Variants in GUCY1A2 observed in about 807,000 individuals in gnomAD.
GUCY1A2 encodes the protein guanylate cyclase soluble subunit alpha-2.
GUCY1A2 carries 27 observed loss-of-function variants against 63.5 expected under a neutral mutation model. That is an observed-to-expected ratio of 0.43 (90% CI 0.31 to 0.59). The LOEUF (loss-of-function observed/expected upper bound fraction) is 0.59. GUCY1A2 is among the 20% of genes least tolerant of loss of function. The probability of loss-of-function intolerance (pLI) is 0.11; values close to 1 mark genes in which losing one functional copy is unlikely to be tolerated. For missense variants in GUCY1A2, 768 were observed against 913.3 expected, an observed-to-expected ratio of 0.84 and a Z score of 2.05; for synonymous variants, 364 against 343.5, an observed-to-expected ratio of 1.06 and a Z score of -0.66.
chr11:106,729,687 A>G (rs1329131370), intron 6 of GUCY1A2, among the ~76,000 whole-genome samples: 1 of 152,134 alleles, frequency 6.6e-6, no homozygotes, highest in Non-Finnish European at 1.5e-5. Flanking sequence ...TTGTAAATTT[A>G]GAAGATGTCA....
At chr11:106,978,543 A>C (rs1444570831) in intron 3 of GUCY1A2, 76 bp downstream of exon 3, 64 of 987,966 alleles carry the variant, frequency 6.5e-5, no homozygotes, top group South Asian at 4.2e-4. Context: ...CTTTGGTAGA[A>C]CATGAAACAC....
intron 3 of GUCY1A2, among the ~76,000 whole-genome samples, chr11:106,963,669 CA>C (rs1020814349): frequency 6.6e-6 from 1 of 152,030 alleles, no homozygotes; most frequent in African/African-American, 2.4e-5. Context: ...AGATAGACTC[CA>C]ATCTGGACAC....
intron 4 of GUCY1A2, among the ~76,000 whole-genome samples, chr11:106,887,109 A>C (rs1041030915): frequency 6.6e-6 from 1 of 152,000 alleles, no homozygotes; most frequent in Non-Finnish European, 1.5e-5. Flanking sequence ...TTCCACATGC[A>C]TCTGCTTGTT....
chr11:106,761,809 A>G (rs1207817581), intron 6 of GUCY1A2, among the ~76,000 whole-genome samples: 2 of 152,132 alleles, frequency 1.3e-5, no homozygotes, highest in East Asian at 3.9e-4. Flanking sequence ...GCTTCCCTGG[A>G]CAGGCCTTCT....
At chr11:106,705,373 A>C (rs1366562227) in intron 7 of GUCY1A2, among the ~76,000 whole-genome samples, 1 of 152,164 alleles carries the variant, frequency 6.6e-6, no homozygotes, top group Non-Finnish European at 1.5e-5. Context: ...CAAATTACCA[A>C]ACCCATTCTT....
chr11:106,721,956 CTTAAGT>C (rs1243750430), intron 6 of GUCY1A2, among the ~76,000 whole-genome samples: 1 of 152,152 alleles, frequency 6.6e-6, no homozygotes, highest in African/African-American at 2.4e-5. Flanking sequence ...GAACCATTAC[CTTAAGT>C]TTCTTTTCAG....
Position 106,680,640 on chromosome 11 carries a change from A to G in GUCY1A2, c.*6909T>C, listed in dbSNP as rs1862417320. Reference sequence around the variant, plus strand: ...AACCATTCTTACTAAGGATTTAAGGATCCAGTGATATACAAGAGGATAATT... The same window carrying G: ...AACCATTCTTACTAAGGATTTAAGGGTCCAGTGATATACAAGAGGATAATT... On this transcript the variant is annotated 3_prime_UTR_variant, in exon 8 of 8. Coordinates refer to ENST00000526355, the MANE Select transcript of GUCY1A2 (RefSeq NM_000855.3). 5.0e-6 allele frequency: 1 copy of G among 199,242 alleles called. No individual in the cohort carries two copies. The highest frequency in any genetic ancestry group is 7.8e-5 in the East Asian group (1 of 12,846). 12.3% of individuals were successfully genotyped at this position (199,242 alleles called of 1,614,324 possible). A position where few individuals can be genotyped will look rare whatever the true frequency, so the allele number is the denominator to read the frequency against.
chr11:107,014,953 C>G (rs756886192), intron 1 of GUCY1A2, among the ~76,000 whole-genome samples: 1 of 152,192 alleles, frequency 6.6e-6, no homozygotes, highest in Non-Finnish European at 1.5e-5. Flanking sequence ...AGGACATAAT[C>G]CATCTCCTGA....
Position 107,018,133 on chromosome 11 carries a change from G to C in GUCY1A2, c.-78C>G, listed in dbSNP as rs1292671374. The C allele has an allele frequency of 1.0e-5, 10 of 973,260 alleles. No individual in the cohort carries two copies. The highest frequency in any genetic ancestry group is 1.4e-5 in the Non-Finnish European group (10 of 731,488). The allele number at this position is 973,260 out of a possible 1,614,324, so 60.3% of individuals were successfully genotyped here. On this transcript the variant is annotated 5_prime_UTR_variant, in exon 1 of 8. Coordinates refer to ENST00000526355, the MANE Select transcript of GUCY1A2 (RefSeq NM_000855.3). Reference sequence around the variant, plus strand: ...CGGCGGAGGCGGCGGTGGCGGGACCGGCAAGCGACAACGTTAAGCGCGTCG... The same window carrying C: ...CGGCGGAGGCGGCGGTGGCGGGACCCGCAAGCGACAACGTTAAGCGCGTCG...
At chr11:106,800,024 A>T (rs375690667) in intron 5 of GUCY1A2, among the ~76,000 whole-genome samples, 3 of 152,170 alleles carry the variant, frequency 2.0e-5, no homozygotes, top group Admixed American at 6.5e-5. Flanking sequence ...GAATCTACAA[A>T]GAACTCAAAC....
Position 107,018,342 on chromosome 11 carries a change from C to T in GUCY1A2, c.-287G>A, listed in dbSNP as rs557347640. 2 of 148,208 alleles carry T rather than the reference C, an allele frequency of 1.3e-5. No individual in the cohort carries two copies. Among genetic ancestry groups the T allele is most frequent in the South Asian group, 2.1e-4 (1 of 4,800 alleles). The allele number at this position is 148,208 out of a possible 1,614,324, so 9.2% of individuals were successfully genotyped here. On this transcript the variant is annotated 5_prime_UTR_variant, in exon 1 of 8. Transcript: ENST00000526355. The stretch of plus-strand genomic sequence containing the variant: ...TCTGCTGCTGCTCGCGCGGCGCCGC[C>T]TCAGCGCCCGCCTCGGCGCATCGCC...
At chr11:106,854,046 G>A (rs1283677629) in intron 4 of GUCY1A2, among the ~76,000 whole-genome samples, 1 of 152,208 alleles carries the variant, frequency 6.6e-6, no homozygotes, top group Non-Finnish European at 1.5e-5. Flanking sequence ...AACTAGGCAT[G>A]CCAGTCCTTG....
intron 5 of GUCY1A2, among the ~76,000 whole-genome samples, chr11:106,793,023 GA>G (rs1038390777): frequency 8.6e-5 from 13 of 151,534 alleles, no homozygotes; most frequent in African/African-American, 1.9e-4. Context: ...CACAGAAATA[GA>G]AAAAAAATCC....
Position 106,681,350 on chromosome 11 carries a change from T to C in GUCY1A2, c.*6199A>G, listed in dbSNP as rs1862429035. 2.6e-5 allele frequency: 6 copies of C among 226,586 alleles called. No homozygotes were observed. In the South Asian group the frequency reaches 9.1e-4, roughly 34 times the overall value. 14.0% of individuals were successfully genotyped at this position (226,586 alleles called of 1,614,324 possible). A position where few individuals can be genotyped will look rare whatever the true frequency, so the allele number is the denominator to read the frequency against. On this transcript the variant is annotated 3_prime_UTR_variant, in exon 8 of 8. Transcript: ENST00000526355. ...CTGCCGCAAGACCCATCTATATTTT[T>C]GCAAAGCCTACTTTCTCAATCACCT... is the stretch of plus-strand genomic sequence containing the variant.
chr11:106,980,385 G>A (rs1477556175), intron 2 of GUCY1A2, among the ~76,000 whole-genome samples: 1 of 152,162 alleles, frequency 6.6e-6, no homozygotes, highest in Non-Finnish European at 1.5e-5. Context: ...CCTAGTGAGG[G>A]CATGACAGCC....
chr11:106,730,462 G>A (rs185075887), intron 6 of GUCY1A2, among the ~76,000 whole-genome samples: 8 of 151,906 alleles, frequency 5.3e-5, no homozygotes, highest in Non-Finnish European at 1.0e-4. Context: ...TTTTTTTATG[G>A]CTGTGTAGTA....
chr11:106,980,366 T>C (rs1259187381), intron 2 of GUCY1A2, among the ~76,000 whole-genome samples: 1 of 152,172 alleles, frequency 6.6e-6, no homozygotes, highest in Non-Finnish European at 1.5e-5. Context: ...GCGGAACTCA[T>C]ACATGCACCC....
At chr11:106,947,488 AAACT>A (rs1415080517) in intron 3 of GUCY1A2, among the ~76,000 whole-genome samples, 7 of 152,014 alleles carry the variant, frequency 4.6e-5, no homozygotes, top group South Asian at 2.1e-4. Context: ...TTAATAATAA[AAACT>A]AACAAAAAGG....
chr11:106,756,675 C>A (rs564147049), intron 6 of GUCY1A2, among the ~76,000 whole-genome samples: 1 of 152,308 alleles, frequency 6.6e-6, no homozygotes, highest in South Asian at 2.1e-4. Flanking sequence ...AATATTAGCT[C>A]CCACTCTCTT....
Sources: allele counts gnomAD v4.1 joint callset (sites outside exome capture counted in the v4.1 genomes callset), GRCh38; gene constraint gnomAD v4.1.1; transcripts MANE v1.5; gene names NCBI Gene and HGNC (gene_info 2026-07-23, HGNC 2026-07-21).